Variants in MAP3K19 observed in about 807,000 individuals in gnomAD.
The protein encoded by MAP3K19 is SPS1/STE20-related protein kinase YSK4.
In MAP3K19, 91 loss-of-function variants were observed where a neutral mutation model predicts 114.4. That is an observed-to-expected ratio of 0.80 (90% CI 0.67 to 0.95). The LOEUF (loss-of-function observed/expected upper bound fraction) is 0.95. Ranked by LOEUF, MAP3K19 falls within the 40% of genes least tolerant of loss-of-function variation. The pLI is 0.00. For missense variants in MAP3K19, 1,471 were observed against 1,573.2 expected (o/e 0.94, Z 1.10); for synonymous variants, 518 against 530.5 (o/e 0.98, Z 0.32).
chr2:135,021,638 A>G, intron 5 of MAP3K19, 77 bp downstream of exon 5: 1 of 743,858 alleles, frequency 1.3e-6, no homozygotes, highest in Non-Finnish European at 2.2e-6. Flanking sequence ...TATGAGTGTT[A>G]TGAAGTATTC....
intron 12 of MAP3K19, among the ~76,000 whole-genome samples, chr2:134,971,403 G>T (rs1487372364): frequency 6.6e-6 from 1 of 152,096 alleles, no homozygotes; most frequent in Non-Finnish European, 1.5e-5. Flanking sequence ...TCGCATCCTT[G>T]TCTGGTTTTG....
At chr2:134,993,959 A>G (rs747603000) in intron 8 of MAP3K19, among the ~76,000 whole-genome samples, 1 of 152,184 alleles carries the variant, frequency 6.6e-6, no homozygotes, top group Non-Finnish European at 1.5e-5. Flanking sequence ...GCAGCGAGCC[A>G]TGTTTGCACC....
chr2:134,987,124 C>T lies in MAP3K19; in HGVS notation c.1748G>A (p.Arg583Lys). 1 of 1,613,950 alleles carries T rather than the reference C, an allele frequency of 6.2e-7. No homozygotes were observed. Among genetic ancestry groups the T allele is most frequent in the Admixed American group, 1.7e-5 (1 of 60,020 alleles). Residue 583 changes from arginine (R) to lysine (K), a missense_variant, in exon 10 of 13, where the codon AGG (arginine) becomes AAG (lysine). By Grantham distance (26) the Arg-to-Lys change is conservative. Coordinates refer to ENST00000392915, the MANE Select transcript of MAP3K19 (RefSeq NM_025052.5). ...IFPALGLVDP[R>K]PWQLPRFQKK... ...TTGAAACCTGGGCAATTGCCAAGGC[C>T]TGGGGTCCACAAGTCCCAAAGCCGG... is the stretch of plus-strand genomic sequence containing the variant.
At chr2:135,000,562 G>C (rs530362224) in intron 6 of MAP3K19, among the ~76,000 whole-genome samples, 1 of 152,180 alleles carries the variant, frequency 6.6e-6, no homozygotes, top group Non-Finnish European at 1.5e-5. Flanking sequence ...GTTCTTTAAG[G>C]TGTGTTCATT....
intron 6 of MAP3K19, among the ~76,000 whole-genome samples, chr2:135,001,800 C>T (rs1344886152): frequency 6.6e-6 from 1 of 152,216 alleles, no homozygotes; most frequent in Non-Finnish European, 1.5e-5. Flanking sequence ...AGAATGTTTT[C>T]AAACAAATGT....
At position 134,986,701 on chromosome 2, in the gene MAP3K19, T is replaced by G. The variant is rs147328989; in HGVS notation, c.2171A>C (p.Lys724Thr). 102 of 1,614,166 alleles carry G rather than the reference T, an allele frequency of 6.3e-5. No homozygotes were observed. The African/African-American group carries it at 1.2e-3, about 19-fold the overall frequency. The change falls in exon 10 of 13, where the codon AAA becomes ACA. Residue 724 changes from lysine to threonine, a missense_variant. Transcript: ENST00000392915. ...TRLSQKKTHM[K>T]CPKTSFGIKQ... The stretch of plus-strand genomic sequence containing the variant: ...AATGCCAAATGAAGTCTTTGGGCAT[T>G]TCATATGTGTTTTTTTCTGAGAAAG...
chr2:134,974,972 C>T (rs936502136), intron 12 of MAP3K19, among the ~76,000 whole-genome samples: 4 of 152,158 alleles, frequency 2.6e-5, no homozygotes, highest in Non-Finnish European at 5.9e-5. Context: ...TAAACAGCGC[C>T]AGTGGTGTCT....
At chr2:135,014,137 C>T (rs1230700546) in intron 5 of MAP3K19, among the ~76,000 whole-genome samples, 1 of 152,094 alleles carries the variant, frequency 6.6e-6, no homozygotes, top group African/African-American at 2.4e-5. Flanking sequence ...CAGATCACTT[C>T]AGGCCAGGAG....
rs2105379204 is a variant in MAP3K19 at position 135,024,727 on chromosome 2, CAA to C, written c.-82_-81del. ...TATTGCTGATTTTCCACTAAAATCA[CAA>C]AGTTTAGGATCTCTAGGAAGAACAG... On this transcript the variant is annotated 5_prime_UTR_variant, in exon 4 of 13. Coordinates refer to ENST00000392915, the MANE Select transcript of MAP3K19 (RefSeq NM_025052.5). 1 of 1,268,212 alleles carries C rather than the reference CAA, an allele frequency of 7.9e-7. No individual in the cohort carries two copies. Among genetic ancestry groups the C allele is most frequent in the Admixed American group, 1.8e-5 (1 of 56,466 alleles). 78.6% of individuals were successfully genotyped at this position (1,268,212 alleles called of 1,614,324 possible). A position where few individuals can be genotyped will look rare whatever the true frequency, so the allele number is the denominator to read the frequency against.
intron 8 of MAP3K19, among the ~76,000 whole-genome samples, chr2:134,992,937 C>A (rs1559160018): frequency 6.6e-6 from 1 of 152,174 alleles, no homozygotes; most frequent in Non-Finnish European, 1.5e-5. Context: ...CCTCGGCCTC[C>A]CAAAGTGCTG....
intron 8 of MAP3K19, 117 bp downstream of exon 8, chr2:134,998,621 G>A: frequency 9.4e-7 from 1 of 1,068,470 alleles, no homozygotes; most frequent in Non-Finnish European, 1.3e-6. Flanking sequence ...ACAAGGGCTG[G>A]GGTTATTTTC....
At chr2:134,984,999 A>ATAT in intron 10 of MAP3K19, among the ~76,000 whole-genome samples, 1 of 152,234 alleles carries the variant, frequency 6.6e-6, no homozygotes, top group Non-Finnish European at 1.5e-5. Context: ...ATAGTGCAGT[A>ATAT]TGACCTGAGT....
At position 134,999,935 on chromosome 2, in the gene MAP3K19, A is replaced by G. The variant is rs1286487277; in HGVS notation, c.314+2T>C. 1.3e-6 allele frequency: 2 copies of G among 1,583,894 alleles called. No individual in the cohort carries two copies. The highest frequency in any genetic ancestry group is 1.1e-5 in the South Asian group (1 of 90,418). On this transcript the variant is annotated splice_donor_variant, in intron 7 of 12. Coordinates refer to ENST00000392915, the MANE Select transcript of MAP3K19 (RefSeq NM_025052.5). LOFTEE classifies it high-confidence loss of function. The surrounding 1 kb of genome is among the most constrained non-coding windows in gnomAD (Gnocchi z 4.1). ...TCTGATACTTCAAAGAATATTCCTT[A>G]CTTCTTTTCTTTTAAGTCTTCTTGG... is the stretch of plus-strand genomic sequence containing the variant.
At chr2:135,000,185 T>C (rs1348825538) in intron 6 of MAP3K19, among the ~76,000 whole-genome samples, 170 bp from the exon 7 acceptor site, 1 of 152,224 alleles carries the variant, frequency 6.6e-6, no homozygotes, top group Non-Finnish European at 1.5e-5. Context: ...CAGGATATGA[T>C]AGATCCTAAA....
chr2:134,969,231 AATCG>A (rs1683684443), intron 12 of MAP3K19, among the ~76,000 whole-genome samples: 1 of 152,062 alleles, frequency 6.6e-6, no homozygotes, highest in African/African-American at 2.4e-5. Flanking sequence ...GCGTGCCTGT[AATCG>A]CAGGCACTCG....
chr2:135,020,523 G>A (rs1307239100), intron 5 of MAP3K19, among the ~76,000 whole-genome samples: 3 of 151,970 alleles, frequency 2.0e-5, no homozygotes, highest in Non-Finnish European at 4.4e-5. Flanking sequence ...GTCTCTTTTT[G>A]TTACCCATGC....
chr2:134,993,723 G>A (rs1685776505), intron 8 of MAP3K19, among the ~76,000 whole-genome samples: 1 of 152,196 alleles, frequency 6.6e-6, no homozygotes, highest in Non-Finnish European at 1.5e-5. Context: ...ATTATGTGGG[G>A]TAAAGACTTT....
At chr2:135,015,340 C>CT (rs929097534) in intron 5 of MAP3K19, among the ~76,000 whole-genome samples, 5 of 152,054 alleles carry the variant, frequency 3.3e-5, no homozygotes, top group South Asian at 4.2e-4. Flanking sequence ...ATTTAGACAT[C>CT]TTTTTTTTGC....
intron 2 of MAP3K19, among the ~76,000 whole-genome samples, chr2:135,036,727 A>G (rs1195289376): frequency 2.0e-5 from 3 of 151,908 alleles, no homozygotes; most frequent in Non-Finnish European, 4.4e-5. Flanking sequence ...ATTGAAGGAC[A>G]CCAACATTTA....
Sources: gnomAD v4.1 joint callset for allele counts (sites outside exome capture counted in the v4.1 genomes callset) on GRCh38, gnomAD v4.1.1 for gene constraint, Gnocchi (gnomAD v3.1) non-coding constraint, MANE v1.5 for transcripts, NCBI Gene and HGNC (gene_info 2026-07-23, HGNC 2026-07-21) for gene names.